The following ADCY2 variants were observed in gnomAD, a reference collection of about 807,000 sequenced individuals.
The protein encoded by ADCY2 is adenylate cyclase type 2.
A neutral mutation model predicts 125.2 loss-of-function variants in ADCY2; 31 were observed. The observed-to-expected ratio is 0.25, with a 90% CI of 0.19 to 0.33. The LOEUF is 0.33. Among genes scored for constraint, ADCY2 ranks in the 10% least tolerant of loss-of-function variants. ADCY2 has a pLI of 1.00. For missense variants in ADCY2, 904 were observed against 1,418.2 expected, an observed-to-expected ratio of 0.64 and a Z score of 5.82; for synonymous variants, 512 against 548.4, an observed-to-expected ratio of 0.93 and a Z score of 0.93.
chr5:7,715,158 G>A (rs915319270), intron 11 of ADCY2, among the ~76,000 whole-genome samples: 2 of 152,206 alleles, frequency 1.3e-5, no homozygotes, highest in African/African-American at 4.8e-5. Flanking sequence ...GCAGAGACAA[G>A]AAAAGTGTCT....
intron 3 of ADCY2, among the ~76,000 whole-genome samples, chr5:7,563,222 G>C (rs4451024): frequency 0.3 from 45,646 of 152,124 alleles, 8,028 homozygotes; most frequent in Non-Finnish European, 0.4. Context: ...CACTCCATCT[G>C]TATCCTCTGT....
chr5:7,606,808 T>C (rs1240414694), intron 3 of ADCY2, among the ~76,000 whole-genome samples: 1 of 152,240 alleles, frequency 6.6e-6, no homozygotes, highest in African/African-American at 2.4e-5. Flanking sequence ...ATACATTATA[T>C]GTATAAATGC....
chr5:7,601,147 G>A (rs939466760), intron 3 of ADCY2, among the ~76,000 whole-genome samples: 3 of 152,150 alleles, frequency 2.0e-5, no homozygotes, highest in Non-Finnish European at 4.4e-5. Flanking sequence ...CTTTCCCAGG[G>A]TGAAGGACGG....
chr5:7,647,156 C>T (rs771426499), intron 4 of ADCY2, among the ~76,000 whole-genome samples: 49 of 152,298 alleles, frequency 3.2e-4, no homozygotes, highest in South Asian at 2.1e-4. Flanking sequence ...TTCTAACACA[C>T]GCCTTTCAGC....
At chr5:7,773,219 G>A (rs539363491) in intron 18 of ADCY2, 118 bp downstream of exon 18, 1 of 1,150,830 alleles carries the variant, frequency 8.7e-7, no homozygotes, top group African/African-American at 1.5e-5. Flanking sequence ...ATCATTCTGA[G>A]AGAATTTCTT....
intron 3 of ADCY2, among the ~76,000 whole-genome samples, chr5:7,619,603 T>A (rs1737883637): frequency 1.3e-5 from 2 of 152,206 alleles, no homozygotes; most frequent in Admixed American, 6.5e-5. Flanking sequence ...TGTAACTTCC[T>A]CATACAGCTC....
Position 7,505,738 on chromosome 5 carries a change from G to A in ADCY2, c.409-15000G>A, listed in dbSNP as rs534298776. ...CATTCTACAATACACTGCTCCACTAGATGCTGATTTATGTCTTTGTTGAAT... is the reference window on the plus strand; with the variant it reads ...CATTCTACAATACACTGCTCCACTAAATGCTGATTTATGTCTTTGTTGAAT... On this transcript the variant is annotated intron_variant, in intron 2 of 24. Coordinates refer to ENST00000338316, the MANE Select transcript of ADCY2 (RefSeq NM_020546.3). 5.6e-4 allele frequency among the ~76,000 whole-genome samples: 85 copies of A among 152,306 alleles called. 1 individual carries two copies. The Middle Eastern group carries it at 0.01, about 18-fold the overall frequency.
intron 3 of ADCY2, among the ~76,000 whole-genome samples, chr5:7,602,378 G>A (rs1737241751): frequency 6.6e-6 from 1 of 152,054 alleles, no homozygotes; most frequent in Admixed American, 6.6e-5. Context: ...CTATTTCTAT[G>A]GCTCTTTCTT....
intron 3 of ADCY2, among the ~76,000 whole-genome samples, chr5:7,552,422 C>A (rs1259501710): frequency 6.6e-6 from 1 of 152,130 alleles, no homozygotes; most frequent in Non-Finnish European, 1.5e-5. Context: ...AGCTGTATTT[C>A]TTTATTGCAA....
chr5:7,689,633 G>A (rs12522737), intron 4 of ADCY2, among the ~76,000 whole-genome samples: 68,587 of 151,770 alleles, frequency 0.45, 16,147 homozygotes, highest in East Asian at 0.85. Flanking sequence ...ACTAGGAGTA[G>A]ACAAAGAGAT....
chr5:7,401,748 A>G (rs1739271562), intron 1 of ADCY2, among the ~76,000 whole-genome samples: 1 of 152,202 alleles, frequency 6.6e-6, no homozygotes. Context: ...CGTGATTCTT[A>G]CTGATAATTT....
In ADCY2 at chr5:7,589,302, T is replaced by C. The variant is rs548566712; in HGVS notation, c.571-36865T>C. Among the ~76,000 whole-genome samples the C allele has an allele frequency of 1.5e-3, 226 of 150,092 alleles. 2 individuals are homozygous for C. Among genetic ancestry groups the C allele is most frequent in the African/African-American group, 5.3e-3 (217 of 40,742 alleles). ...CACTGTAACCAACAACAACAAAAAA[T>C]GATTCCAATTTTGTTTTTACAAAAT... On this transcript the variant is annotated intron_variant, in intron 3 of 24. Coordinates refer to ENST00000338316, the MANE Select transcript of ADCY2 (RefSeq NM_020546.3).
At chr5:7,435,005 G>A (rs1407176701) in intron 2 of ADCY2, among the ~76,000 whole-genome samples, 1 of 152,136 alleles carries the variant, frequency 6.6e-6, no homozygotes, top group Non-Finnish European at 1.5e-5. Flanking sequence ...TCTTCTTTCT[G>A]GTGTTAGGTT....
chr5:7,544,504 G>A (rs1429986462), intron 3 of ADCY2, among the ~76,000 whole-genome samples: 5 of 152,016 alleles, frequency 3.3e-5, no homozygotes, highest in South Asian at 2.1e-4. Context: ...TCCATCTTAC[G>A]AGAACCCCTG....
intron 3 of ADCY2, among the ~76,000 whole-genome samples, chr5:7,589,508 AAG>A (rs1491455384): frequency 7.8e-5 from 9 of 115,490 alleles, no homozygotes; most frequent in Non-Finnish European, 1.0e-4. Flanking sequence ...GAAAGAAAGA[AAG>A]AAAAGAAAAG....
At chr5:7,698,635 G>A (rs1740972006) in intron 7 of ADCY2, among the ~76,000 whole-genome samples, 1 of 152,144 alleles carries the variant, frequency 6.6e-6, no homozygotes, top group South Asian at 2.1e-4. Context: ...AGAACATGCG[G>A]TATTTGGTTT....
chr5:7,668,943 T>C (rs1739844121), intron 4 of ADCY2, among the ~76,000 whole-genome samples: 1 of 152,218 alleles, frequency 6.6e-6, no homozygotes, highest in Non-Finnish European at 1.5e-5. Flanking sequence ...CTGGAATCCA[T>C]GTCTACTCCA....
chr5:7,688,349 C>A (rs1740593958), intron 4 of ADCY2, among the ~76,000 whole-genome samples: 1 of 151,650 alleles, frequency 6.6e-6, no homozygotes, highest in Non-Finnish European at 1.5e-5. Context: ...CTCACTGCAA[C>A]CTCTGCCTCC....
rs941130882 is a variant in ADCY2 at position 7,788,158 on chromosome 5, T to C, written c.2470-1484T>C. ...TGGCATGAACGTGAAACTTTAAATA[T>C]AAACAAACTTTTATTTTTGGGGTTT... On this transcript the variant is annotated intron_variant, in intron 19 of 24. Transcript: ENST00000338316. 7.9e-5 allele frequency among the ~76,000 whole-genome samples: 12 copies of C among 152,206 alleles called. No individual in the cohort carries two copies. The South Asian group carries it at 2.5e-3, about 31-fold the overall frequency.
Sources: gnomAD v4.1 joint callset for allele counts (sites outside exome capture counted in the v4.1 genomes callset) on GRCh38, gnomAD v4.1.1 for gene constraint, MANE v1.5 for transcripts, NCBI Gene and HGNC (gene_info 2026-07-23, HGNC 2026-07-21) for gene names.